The following MYH8 variants were observed in gnomAD, a reference collection of about 807,000 sequenced individuals.
MYH8 encodes the protein myosin heavy chain 8, also known as myosin-8.
Under a neutral mutation model 233.2 loss-of-function variants are expected in MYH8, and 168 were observed. That is an observed-to-expected ratio of 0.72 (90% CI 0.64 to 0.82). The LOEUF is 0.82. Among genes scored for constraint, MYH8 ranks in the 40% least tolerant of loss-of-function variants. The pLI, the probability that MYH8 is intolerant of heterozygous loss-of-function variation, is 0.00. For missense variants in MYH8, 1,995 were observed against 2,327.8 expected (o/e 0.86, Z 2.94); for synonymous variants, 785 against 850.6 (o/e 0.92, Z 1.34).
At position 10,410,924 on chromosome 17, in the gene MYH8, G is replaced by A. The variant is rs1335738728; in HGVS notation, c.1440C>T (p.Cys480=). 5 of 1,614,066 alleles carry A rather than the reference G, an allele frequency of 3.1e-6. No individual in the cohort carries two copies. The highest frequency in any genetic ancestry group is 4.2e-6 in the Non-Finnish European group (5 of 1,179,986). Residue 480 remains cysteine, a synonymous_variant, in exon 15 of 40, where the codon TGC becomes TGT. Coordinates refer to ENST00000403437, the MANE Select transcript of MYH8 (RefSeq NM_002472.3). ...IFDFNSLEQL[C]INFTNEKLQQ... ...GCAGTTTCTCGTTGGTGAAGTTGAT[G>A]CACAGCTGCTCCAGGCTGTTAAACT...
rs566450163 is a variant in MYH8, at chr17:10,405,585, G to A, written c.2432+456C>T. On this transcript the variant is annotated intron_variant, in intron 21 of 39. Coordinates refer to ENST00000403437, the MANE Select transcript of MYH8 (RefSeq NM_002472.3). ...GCAATAGTGTTGGGTAGATAAACTGGGTGAGATTAGTTACAGAAAGGGGAA... is the reference window on the plus strand; with the variant it reads ...GCAATAGTGTTGGGTAGATAAACTGAGTGAGATTAGTTACAGAAAGGGGAA... Among the ~76,000 whole-genome samples the A allele has an allele frequency of 1.1e-4, 16 of 152,300 alleles. No individual in the cohort carries two copies. In the South Asian group the frequency reaches 3.1e-3, roughly 30 times the overall value.
chr17:10,405,966 G>T (rs2072188546), intron 21 of MYH8, 75 bp downstream of exon 21: 5 of 1,563,564 alleles, frequency 3.2e-6, no homozygotes, highest in Non-Finnish European at 4.4e-6. Context: ...CCAAATGAAA[G>T]AATTAATGAA....
chr17:10,398,898 A>AG lies in MYH8; in HGVS notation c.3863-13dup. The AG allele has an allele frequency of 6.2e-7, 1 of 1,604,088 alleles. No homozygotes were observed. The highest frequency in any genetic ancestry group is 8.5e-7 in the Non-Finnish European group (1 of 1,174,662). ...TCGAGAATATTCACCTAGGAATAAT[A>AG]GACATAAGGGAATTTTTTACTGGCA... On this transcript the variant is annotated splice_polypyrimidine_tract_variant and intron_variant, in intron 28 of 39. Coordinates refer to ENST00000403437, the MANE Select transcript of MYH8 (RefSeq NM_002472.3).
rs752093481 is a variant in MYH8 at position 10,401,404 on chromosome 17, T to C, written c.2979A>G (p.Ala993=). 3.1e-6 allele frequency: 5 copies of C among 1,614,030 alleles called. No individual in the cohort carries two copies. The South Asian group carries it at 3.3e-5, about 11-fold the overall frequency. ...EEMAGLDETI[A]KLSKEKKALQ... ...GAGCCTTCTTCTCCTTGGACAGTTT[T>C]GCAATGGTTTCATCCAGGCCTGCCA... Residue 993 remains alanine, a synonymous_variant, in exon 24 of 40, where the codon GCA becomes GCG. Coordinates refer to ENST00000403437, the MANE Select transcript of MYH8 (RefSeq NM_002472.3).
chr17:10,391,181 T>C (rs1376708963), intron 39 of MYH8, among the ~76,000 whole-genome samples: 1 of 152,242 alleles, frequency 6.6e-6, no homozygotes, highest in Non-Finnish European at 1.5e-5. Flanking sequence ...GAGCCCCCAC[T>C]GATGACACTA....
At chr17:10,412,883 G>A (rs2072256882) in intron 12 of MYH8, among the ~76,000 whole-genome samples, 155 bp from the exon 13 acceptor site, 1 of 152,158 alleles carries the variant, frequency 6.6e-6, no homozygotes, top group African/African-American at 2.4e-5. Flanking sequence ...AGAGCATGTG[G>A]TTGCCAGTAA....
rs754505775 is a variant in MYH8 at position 10,396,945 on chromosome 17, A to G, written c.4220T>C (p.Val1407Ala). Residue 1407 changes from valine to alanine, a missense_variant, in exon 31 of 40, where the codon GTA becomes GCA. Around this residue, in one of 3 missense-constraint regions of MYH8, gnomAD observed 1,498 missense variants for 1,680.9 expected, o/e 0.89. Transcript: ENST00000403437. This position sits in a 1 kb window ranked among gnomAD's most constrained non-coding sequence, Gnocchi z 4.2. ...AQRLQEAEEH[V>A]EAVNAKCASL... ...AGCACATTTGGCGTTCACAGCTTCT[A>G]CATGTTCCTCAGCTTCTTGCAGGCG... The G allele has an allele frequency of 1.1e-5, 17 of 1,614,220 alleles. No individual in the cohort carries two copies. The highest frequency in any genetic ancestry group is 3.3e-5 in the Admixed American group (2 of 60,028).
intron 39 of MYH8, 148 bp downstream of exon 39, chr17:10,391,734 C>T (rs1457392518): frequency 3.3e-5 from 23 of 705,372 alleles, no homozygotes; most frequent in Admixed American, 6.7e-5. Context: ...TTGGATTTGG[C>T]GGGACAAATT....
Position 10,414,267 on chromosome 17 carries a change from A to G in MYH8, c.933T>C (p.Tyr311=), listed in dbSNP as rs773523769. The G allele has an allele frequency of 4.3e-6, 7 of 1,614,112 alleles. No individual in the cohort carries two copies. In the East Asian group the frequency reaches 6.7e-5, roughly 15 times the overall value. The change falls in exon 11 of 40, where the codon TAT becomes TAC. Residue 311 remains tyrosine (Y), a synonymous_variant. Coordinates refer to ENST00000403437, the MANE Select transcript of MYH8 (RefSeq NM_002472.3). ...CCCCCTGACTGACGAAGGCATAGTC[A>G]TATGGGTTGGTGGTGATCAGGAGCA... ...IEMLLITTNP[Y]DYAFVSQGEI... is the part of the protein sequence containing the mutation.
chr17:10,404,243 A>T, intron 22 of MYH8, 87 bp downstream of exon 22: 1 of 1,543,362 alleles, frequency 6.5e-7, no homozygotes, highest in Non-Finnish European at 8.8e-7. Context: ...ATTTTTTTTC[A>T]AGTAGAGATC....
At chr17:10,397,008 CAGG>C in intron 30 of MYH8, 22 bp from the exon 31 acceptor site, 1 of 1,613,910 alleles carries the variant, frequency 6.2e-7, no homozygotes, top group Non-Finnish European at 8.5e-7. Flanking sequence ...GCCAGGCAGT[CAGG>C]AGAATGGCCA....
chr17:10,406,715 T>C lies in MYH8; in HGVS notation c.2146A>G (p.Ile716Val), dbSNP rs745471357. 5 of 1,614,118 alleles carry C rather than the reference T, an allele frequency of 3.1e-6. No individual in the cohort carries two copies. The highest frequency in any genetic ancestry group is 4.2e-6 in the Non-Finnish European group (5 of 1,179,992). ...CTTTGTTTGAAATCACCATATAAGA[T>C]TCTGCTTGGGAATCCTTTCCTACAG... is the stretch of plus-strand genomic sequence containing the variant. Reference protein sequence around the residue: ...RICRKGFPSRILYGDFKQRYK... With the variant: ...RICRKGFPSRVLYGDFKQRYK... The change falls in exon 19 of 40, where the codon ATC (isoleucine) becomes GTC (valine). Residue 716 changes from isoleucine to valine, a missense_variant. Ile to Val is a conservative substitution (Grantham distance 29, BLOSUM62 3). Transcript: ENST00000403437.
Position 10,398,574 on chromosome 17 carries a change from A to T in MYH8, c.4048T>A (p.Tyr1350Asn). The T allele has an allele frequency of 2.5e-6, 4 of 1,614,004 alleles. No homozygotes were observed. Among genetic ancestry groups the T allele is most frequent in the Non-Finnish European group, 3.4e-6 (4 of 1,180,006 alleles). Residue 1350 changes from tyrosine (Y) to asparagine (N), a missense_variant, in exon 30 of 40, where the codon TAT (tyrosine) becomes AAT (asparagine). Transcript: ENST00000403437. ...GCTTTGCCTTCCTGCTCTTCCTCAT[A>T]CTGTTCCCGCAGCAGGTCGCAGTCA... ...RHDCDLLREQ[Y>N]EEEQEGKAEL...
intron 2 of MYH8, 137 bp from the exon 3 acceptor site, chr17:10,420,394 A>G: frequency 1.3e-6 from 1 of 775,106 alleles, no homozygotes; most frequent in Non-Finnish European, 2.2e-6. Context: ...CCAGTGTTCT[A>G]ACATAGTCTA....
At position 10,420,235 on chromosome 17, in the gene MYH8, A is replaced by C; in HGVS notation, c.-8T>G. 6.2e-7 allele frequency: 1 copy of C among 1,612,730 alleles called. No homozygotes were observed. Among genetic ancestry groups the C allele is most frequent in the Non-Finnish European group, 8.5e-7 (1 of 1,179,990 alleles). On this transcript the variant is annotated 5_prime_UTR_variant, in exon 3 of 40. Transcript: ENST00000403437. ...GTCTGAGCTCGCACTCATGGCTGCGATTTATTTAGCAAAGGATTCTGCCTA... is the reference window on the plus strand; with the variant it reads ...GTCTGAGCTCGCACTCATGGCTGCGCTTTATTTAGCAAAGGATTCTGCCTA...
rs184318349 is a variant in MYH8, at chr17:10,413,512, T to C, written c.1147+390A>G. ...ACAGATGACTCTAGGGGTATCTTTC[T>C]CCCCAGCCCTGTATTTGGGCAGATT... On this transcript the variant is annotated intron_variant, in intron 12 of 39. Transcript: ENST00000403437. Among the ~76,000 whole-genome samples the C allele has an allele frequency of 4.6e-5, 7 of 152,330 alleles. No homozygotes were observed. In the East Asian group the frequency reaches 1.3e-3, roughly 29 times the overall value.
intron 22 of MYH8, 57 bp from the exon 23 acceptor site, chr17:10,401,842 T>A (rs1005375213): frequency 6.2e-7 from 1 of 1,605,890 alleles, no homozygotes; most frequent in African/African-American, 1.3e-5. Context: ...AAACTTGGTG[T>A]TTTTTTTGCG....
chr17:10,411,878 G>A (rs190923424), intron 14 of MYH8, among the ~76,000 whole-genome samples: 3 of 152,280 alleles, frequency 2.0e-5, no homozygotes, highest in Middle Eastern at 3.4e-3. Flanking sequence ...GTGAACTGAT[G>A]CCCTGGAGGT....
intron 38 of MYH8, 132 bp downstream of exon 38, chr17:10,392,410 C>T: frequency 2.3e-6 from 2 of 857,962 alleles, no homozygotes; most frequent in Non-Finnish European, 3.9e-6. Context: ...TGATAAGCAA[C>T]TGTCTTTACT....
Sources: gnomAD v4.1 joint callset for allele counts (sites outside exome capture counted in the v4.1 genomes callset) on GRCh38, gnomAD v4.1.1 for gene constraint, gnomAD v4.1.1 regional missense constraint, Gnocchi (gnomAD v3.1) non-coding constraint, MANE v1.5 for transcripts, NCBI Gene and HGNC (gene_info 2026-07-23, HGNC 2026-07-21) for gene names.